The following EXD3 variants were observed in gnomAD, a reference collection of about 807,000 sequenced individuals.
EXD3 encodes exonuclease mut-7 homolog.
EXD3 carries 92 observed loss-of-function variants against 98.0 expected under a neutral mutation model. The observed-to-expected ratio is 0.94, with a 90% CI of 0.79 to 1.12. The LOEUF (loss-of-function observed/expected upper bound fraction) is 1.12. Ranked by LOEUF, EXD3 falls within the 50% of genes most tolerant of loss-of-function variation. EXD3 has a pLI of 0.00. For missense variants in EXD3, 1,222 were observed against 1,191.6 expected (o/e 1.03, Z -0.38); for synonymous variants, 569 against 526.0 (o/e 1.08, Z -1.12).
intron 19 of EXD3, among the ~76,000 whole-genome samples, chr9:137,314,684 C>T (rs1042056640): frequency 6.6e-6 from 1 of 152,154 alleles, no homozygotes; most frequent in Non-Finnish European, 1.5e-5. Context: ...GCTGCCCCGT[C>T]CCCTTTGTGT....
chr9:137,339,885 G>C (rs1159404236), intron 17 of EXD3, among the ~76,000 whole-genome samples: 1 of 152,148 alleles, frequency 6.6e-6, no homozygotes, highest in Non-Finnish European at 1.5e-5. Flanking sequence ...TGGAGATCTT[G>C]ACTAATGAAA....
At position 137,349,408 on chromosome 9, in the gene EXD3, C is replaced by T; in HGVS notation, c.1618G>A (p.Asp540Asn). The change falls in exon 15 of 22, where the codon GAC (aspartate) becomes AAC (asparagine). Residue 540 changes from aspartate (D) to asparagine (N), a missense_variant. Transcript: ENST00000340951. This position sits in a 1 kb window ranked among gnomAD's most constrained non-coding sequence, Gnocchi z 7.4. ...LDKTQQLSNW[D>N]RRPLCEEQVI... ...TGCTCCTCGCAGAGCGGCCTCCGGT[C>T]CCAGTTGGACAGCTGCTGCGTCTTG... 1 of 1,598,184 alleles carries T rather than the reference C, an allele frequency of 6.3e-7. No homozygotes were observed. Among genetic ancestry groups the T allele is most frequent in the Non-Finnish European group, 8.5e-7 (1 of 1,176,706 alleles).
chr9:137,415,933 C>T (rs1158431280), intron 1 of EXD3, among the ~76,000 whole-genome samples: 2 of 152,346 alleles, frequency 1.3e-5, no homozygotes, highest in Middle Eastern at 3.4e-3. Flanking sequence ...GGCAGATGCA[C>T]GTGTGAGGGC....
rs1362905152 is a variant in EXD3, at chr9:137,366,318, G to A, written c.656+175C>T. The A allele has an allele frequency of 1.7e-5, 15 of 898,942 alleles. No individual in the cohort carries two copies. The East Asian group carries it at 2.9e-4, about 17-fold the overall frequency. The allele number at this position is 898,942 out of a possible 1,614,324, so 55.7% of individuals were successfully genotyped here. A position where few individuals can be genotyped will look rare whatever the true frequency, so the allele number is the denominator to read the frequency against. On this transcript the variant is annotated intron_variant, in intron 7 of 21. Coordinates refer to ENST00000340951, the MANE Select transcript of EXD3 (RefSeq NM_017820.5). ...GGCTGTGCTCCTGCCAGCCCCAGCC[G>A]CTCCTCTCCAGAGGCAGCTGCTCCA...
intron 19 of EXD3, among the ~76,000 whole-genome samples, chr9:137,320,166 C>T (rs1831955682): frequency 6.6e-6 from 1 of 152,256 alleles, no homozygotes; most frequent in Non-Finnish European, 1.5e-5. Flanking sequence ...ACGCATATGT[C>T]TGCAAGGCCC....
chr9:137,322,039 G>A (rs1474087382), intron 19 of EXD3, among the ~76,000 whole-genome samples: 2 of 152,162 alleles, frequency 1.3e-5, no homozygotes, highest in East Asian at 3.9e-4. Context: ...GGTGAGTTGG[G>A]CTTTGGTGCC....
intron 17 of EXD3, among the ~76,000 whole-genome samples, chr9:137,331,603 C>T (rs371180586): frequency 2.9e-4 from 44 of 152,246 alleles, no homozygotes; most frequent in African/African-American, 1.0e-3. Context: ...AGTAGCACAA[C>T]GACCAAGCTG....
Position 137,403,900 on chromosome 9 carries a change from C to T in EXD3, c.-47-8496G>A, listed in dbSNP as rs1428095389. Among the ~76,000 whole-genome samples the T allele has an allele frequency of 1.3e-5, 2 of 152,194 alleles. No homozygotes were observed. Among genetic ancestry groups the T allele is most frequent in the Non-Finnish European group, 2.9e-5 (2 of 68,022 alleles). ...GGGTCCCGAGGCGGGGCAGTCACAC[C>T]CCCACGCCATCTCTGCATAGACCCC... On this transcript the variant is annotated intron_variant, in intron 1 of 21. Coordinates refer to ENST00000340951, the MANE Select transcript of EXD3 (RefSeq NM_017820.5). The surrounding 1 kb of genome is among the most constrained non-coding windows in gnomAD (Gnocchi z 6.1).
intron 5 of EXD3, among the ~76,000 whole-genome samples, chr9:137,372,217 G>A (rs1588372336): frequency 1.3e-5 from 2 of 152,344 alleles, no homozygotes; most frequent in East Asian, 3.9e-4. Flanking sequence ...AGCAGCCAGT[G>A]AAGGGTTGGA....
intron 3 of EXD3, chr9:137,374,635 C>T (rs1307245163): frequency 7.1e-6 from 7 of 985,398 alleles, no homozygotes; most frequent in South Asian, 4.7e-5. Context: ...GAGACCTCAG[C>T]GCTGTCCAGG....
At chr9:137,314,228 T>C (rs1162275986) in intron 19 of EXD3, among the ~76,000 whole-genome samples, 1 of 152,192 alleles carries the variant, frequency 6.6e-6, no homozygotes, top group Admixed American at 6.5e-5. Flanking sequence ...CTTCCCACGC[T>C]GTCCCCAGAG....
At chr9:137,355,690 AAAGGGAGGAAGGAGG>A (rs1256081558) in intron 8 of EXD3, among the ~76,000 whole-genome samples, 8 of 23,146 alleles carry the variant, frequency 3.5e-4, no homozygotes, top group Admixed American at 1.2e-3. Flanking sequence ...GAGGAAGGAG[AAAGGGAGGAAGGAGG>A]AAGGAGGAAG....
In EXD3 at chr9:137,349,463, C is replaced by T. The variant is rs1159692939; in HGVS notation, c.1563G>A (p.Leu521=). The T allele has an allele frequency of 3.7e-6, 6 of 1,603,508 alleles. No individual in the cohort carries two copies. The highest frequency in any genetic ancestry group is 4.2e-6 in the Non-Finnish European group (5 of 1,178,040). The change falls in exon 15 of 22, where the codon CTG becomes CTA. Residue 521 remains leucine (L), a synonymous_variant. Transcript: ENST00000340951. This position sits in a 1 kb window ranked among gnomAD's most constrained non-coding sequence, Gnocchi z 7.4. ...GGGCTGTGCCCAGCACCTGCTGCAC[C>T]AGGAGGCTCAGGCCCCTCAGCTCCC... ...RARELRGLSL[L]VQQVLGTALD...
intron 17 of EXD3, among the ~76,000 whole-genome samples, chr9:137,344,332 T>C (rs542627798): frequency 4.6e-4 from 70 of 152,236 alleles, no homozygotes; most frequent in Non-Finnish European, 9.4e-4. Context: ...GCACCAAAAT[T>C]GGTCAGTTGG....
Position 137,314,661 on chromosome 9 carries a change from C to T in EXD3, c.2185-4961G>A, listed in dbSNP as rs1036054904. Among the ~76,000 whole-genome samples, 6 of 152,220 alleles carry T rather than the reference C, an allele frequency of 3.9e-5. No individual in the cohort carries two copies. In the South Asian group the frequency reaches 6.2e-4, roughly 16 times the overall value. ...GCAGTTCCCACGAACCCCAGCCCCT[C>T]CCCCACCCAGCCGCTGCCCCGTCCC... On this transcript the variant is annotated intron_variant, in intron 19 of 21. Coordinates refer to ENST00000340951, the MANE Select transcript of EXD3 (RefSeq NM_017820.5).
At chr9:137,417,613 G>C (rs1034674091) in intron 1 of EXD3, among the ~76,000 whole-genome samples, 1 of 152,288 alleles carries the variant, frequency 6.6e-6, no homozygotes, top group East Asian at 1.9e-4. Context: ...GCCGCGCTGC[G>C]CGTGGCGGCC....
intron 3 of EXD3, chr9:137,374,517 G>A: frequency 2.0e-6 from 2 of 979,354 alleles, no homozygotes; most frequent in Non-Finnish European, 2.4e-6. Context: ...GAAAGCACTT[G>A]CTCCGGCGAT....
chr9:137,420,335 G>A (rs1170021524), intron 1 of EXD3, among the ~76,000 whole-genome samples: 1 of 152,158 alleles, frequency 6.6e-6, no homozygotes, highest in African/African-American at 2.4e-5. Flanking sequence ...GCAATTGAGT[G>A]ACATATACTT....
chr9:137,412,560 C>T (rs1838049943), intron 1 of EXD3, among the ~76,000 whole-genome samples: 1 of 152,164 alleles, frequency 6.6e-6, no homozygotes, highest in Non-Finnish European at 1.5e-5. Flanking sequence ...GAACCAGAAA[C>T]ATTCCACATG....
Sources: allele counts gnomAD v4.1 joint callset (sites outside exome capture counted in the v4.1 genomes callset), GRCh38; gene constraint gnomAD v4.1.1; non-coding constraint Gnocchi (gnomAD v3.1); transcripts MANE v1.5; gene names NCBI Gene and HGNC (gene_info 2026-07-23, HGNC 2026-07-21).